MCF2L: variants seen among roughly 807,000 people sequenced by gnomAD.
MCF2L encodes MCF.2 cell line derived transforming sequence like.
A neutral mutation model predicts 153.4 loss-of-function variants in MCF2L; 97 were observed. That is an observed-to-expected ratio of 0.63 (90% CI 0.54 to 0.75). The LOEUF is 0.75. Ranked by LOEUF, MCF2L falls within the 30% of genes least tolerant of loss-of-function variation. MCF2L has a pLI of 0.00. For missense variants in MCF2L, 1,347 were observed against 1,495.2 expected (o/e 0.90, Z 1.64); for synonymous variants, 659 against 632.2 (o/e 1.04, Z -0.64).
At position 113,070,582 on chromosome 13, in the gene MCF2L, C is replaced by A. The variant is rs954066618; in HGVS notation, c.996+409C>A. 2.0e-5 allele frequency among the ~76,000 whole-genome samples: 3 copies of A among 152,216 alleles called. No individual in the cohort carries two copies. The highest frequency in any genetic ancestry group is 2.9e-5 in the Non-Finnish European group (2 of 68,046). ...AGCGACACGGCCAGTGCAGCCAGAC[C>A]CAGACGTCTCCCTCCTGCGGCCCTT... On this transcript the variant is annotated intron_variant, in intron 9 of 29. Coordinates refer to ENST00000535094, the MANE Select transcript of MCF2L (RefSeq NM_001112732.3). The surrounding 1 kb of genome is among the most constrained non-coding windows in gnomAD (Gnocchi z 5.6).
At chr13:113,042,031 T>C (rs758269051) in intron 3 of MCF2L, among the ~76,000 whole-genome samples, 3 of 152,152 alleles carry the variant, frequency 2.0e-5, no homozygotes, top group Non-Finnish European at 4.4e-5. Flanking sequence ...TGAATAGCTG[T>C]AGGGCTGTTG....
chr13:113,090,263 A>G lies in MCF2L; in HGVS notation c.2953+535A>G, dbSNP rs574607792. The G allele has an allele frequency of 1.3e-4, 180 of 1,350,278 alleles. 3 individuals carry two copies. In the East Asian group the frequency reaches 5.7e-3, roughly 42 times the overall value. The allele number at this position is 1,350,278 out of a possible 1,614,324, so 83.6% of individuals were successfully genotyped here. Reference sequence around the variant, plus strand: ...CCTTCGTCACAAGGGCGGCCACGCAAAAGCGTTTCTTTCCACCCAATCACG... The same window carrying G: ...CCTTCGTCACAAGGGCGGCCACGCAGAAGCGTTTCTTTCCACCCAATCACG... On this transcript the variant is annotated intron_variant, in intron 26 of 29. Coordinates refer to ENST00000535094, the MANE Select transcript of MCF2L (RefSeq NM_001112732.3).
intron 3 of MCF2L, among the ~76,000 whole-genome samples, chr13:113,034,916 G>A (rs1307592757): frequency 1.3e-5 from 2 of 152,204 alleles, no homozygotes; most frequent in East Asian, 3.9e-4. Flanking sequence ...AGGTGAGGAA[G>A]GTCTGCCCGA....
chr13:113,090,311 C>T (rs1453072561), intron 26 of MCF2L: 22 of 1,224,654 alleles, frequency 1.8e-5, no homozygotes, highest in Admixed American at 1.3e-4. Context: ...CTGTGTCTCG[C>T]GCACAGACAC....
chr13:113,001,716 G>A (rs1223648855), intron 1 of MCF2L: 1 of 1,360,496 alleles, frequency 7.4e-7, no homozygotes, highest in Non-Finnish European at 9.4e-7. Flanking sequence ...CCTTAATCAG[G>A]GACATCGAAT....
intron 2 of MCF2L, among the ~76,000 whole-genome samples, chr13:112,930,814 G>T (rs1461231792): frequency 6.6e-6 from 1 of 152,154 alleles, no homozygotes; most frequent in Non-Finnish European, 1.5e-5. Flanking sequence ...GAGCGTGCCT[G>T]TAATCCCAGC....
At position 113,066,028 on chromosome 13, in the gene MCF2L, G is replaced by A; in HGVS notation, c.757-18G>A. The A allele has an allele frequency of 6.2e-7, 1 of 1,611,468 alleles. No individual in the cohort carries two copies. The highest frequency in any genetic ancestry group is 8.5e-7 in the Non-Finnish European group (1 of 1,179,234). On this transcript the variant is annotated intron_variant, in intron 7 of 29. Transcript: ENST00000535094. ...TGCCTGGACGGGGCCGGGACATGAG[G>A]CTGCATTCTCTCCACAGGAGGATTT...
chr13:112,976,594 G>A (rs1307629305), intron 1 of MCF2L, among the ~76,000 whole-genome samples: 8 of 152,332 alleles, frequency 5.3e-5, no homozygotes, highest in Non-Finnish European at 7.3e-5. Flanking sequence ...GCGGGGAGCA[G>A]CACTGGGTCA....
At chr13:113,084,681 C>G (rs1163248797) in intron 18 of MCF2L, 1 of 586,382 alleles carries the variant, frequency 1.7e-6, no homozygotes, top group Non-Finnish European at 3.0e-6. Flanking sequence ...GACAGGGAGC[C>G]CCATTAATGG....
At chr13:113,051,949 C>G (rs1368314381) in intron 4 of MCF2L, among the ~76,000 whole-genome samples, 2 of 152,176 alleles carry the variant, frequency 1.3e-5, no homozygotes, top group African/African-American at 2.4e-5. Context: ...ACCCAGTCAC[C>G]TCTGAAAGGT....
chr13:113,022,478 T>A (rs2084944220), intron 2 of MCF2L, among the ~76,000 whole-genome samples: 1 of 145,872 alleles, frequency 6.9e-6, no homozygotes, highest in East Asian at 2.2e-4. Context: ...CGCCCCCAGC[T>A]GCCGTCGGCG....
At chr13:113,001,737 G>A in intron 1 of MCF2L, 1 of 1,366,428 alleles carries the variant, frequency 7.3e-7, no homozygotes, top group South Asian at 1.8e-5. Flanking sequence ...CGGAGGCCCT[G>A]GGAGGAGCAG....
chr13:112,894,536 TC>T (rs2081046838), intron 1 of MCF2L: 1 of 151,596 alleles, frequency 6.6e-6, no homozygotes, highest in African/African-American at 2.4e-5. Flanking sequence ...CGGGGCCGTC[TC>T]CCCCGCGTCC....
chr13:112,973,377 A>C (rs934918914), intron 1 of MCF2L, among the ~76,000 whole-genome samples: 2 of 152,232 alleles, frequency 1.3e-5, no homozygotes, highest in Non-Finnish European at 2.9e-5. Context: ...AGGTGTGACT[A>C]TAAAGTACAG....
intron 4 of MCF2L, chr13:113,055,030 A>AC (rs1378912821): frequency 6.6e-6 from 1 of 152,068 alleles, no homozygotes; most frequent in Non-Finnish European, 1.5e-5. Context: ...ATTTATACTT[A>AC]CCCCCATCTT....
exon 1 of MCF2L, chr13:112,894,405 G>C (rs1159175031): frequency 6.6e-6 from 1 of 151,066 alleles, no homozygotes; most frequent in East Asian, 1.9e-4. Flanking sequence ...CTCGGCGGAC[G>C]CGGGAGGGCA....
At chr13:112,958,658 T>C (rs1294629609) in intron 2 of MCF2L, among the ~76,000 whole-genome samples, 1 of 152,242 alleles carries the variant, frequency 6.6e-6, no homozygotes, top group Non-Finnish European at 1.5e-5. Flanking sequence ...GCTGACCGCA[T>C]GGACCATTTG....
At chr13:112,977,743 G>A (rs1338292158) in intron 1 of MCF2L, among the ~76,000 whole-genome samples, 3 of 152,148 alleles carry the variant, frequency 2.0e-5, no homozygotes, top group East Asian at 1.9e-4. Flanking sequence ...GCTCCCGTGC[G>A]CACCGCTCAC....
At chr13:113,039,469 T>G (rs1042595115) in intron 3 of MCF2L, among the ~76,000 whole-genome samples, 1 of 152,204 alleles carries the variant, frequency 6.6e-6, no homozygotes, top group East Asian at 1.9e-4. Context: ...GTCAGTAAAT[T>G]GGGCTACATT....
Sources: allele counts gnomAD v4.1 joint callset (sites outside exome capture counted in the v4.1 genomes callset), GRCh38; gene constraint gnomAD v4.1.1; non-coding constraint Gnocchi (gnomAD v3.1); transcripts MANE v1.5; gene names NCBI Gene and HGNC (gene_info 2026-07-23, HGNC 2026-07-21).